The following DOCK8 variants were observed in gnomAD, a reference collection of about 807,000 sequenced individuals.
DOCK8 encodes the protein dedicator of cytokinesis protein 8.
A neutral mutation model predicts 245.6 loss-of-function variants in DOCK8; 141 were observed. That is an observed-to-expected ratio of 0.57 (90% CI 0.50 to 0.66). The LOEUF is 0.66. Among genes scored for constraint, DOCK8 ranks in the 30% least tolerant of loss-of-function variants. The probability of loss-of-function intolerance (pLI) is 0.00; values close to 1 mark genes in which losing one functional copy is unlikely to be tolerated. For synonymous variants in DOCK8, 1,168 were observed against 970.2 expected (o/e 1.20, Z -3.79); for missense variants, 2,965 against 2,603.4 (o/e 1.14, Z -3.02).
intron 4 of DOCK8, among the ~76,000 whole-genome samples, chr9:295,446 A>G (rs890893343): frequency 4.6e-5 from 7 of 152,226 alleles, no homozygotes; most frequent in African/African-American, 1.7e-4. Context: ...GGTAGCATAT[A>G]TAATAATAAT....
chr9:285,935 G>A (rs1001228193), intron 2 of DOCK8, among the ~76,000 whole-genome samples: 2 of 152,084 alleles, frequency 1.3e-5, no homozygotes, highest in Non-Finnish European at 2.9e-5. Context: ...GAAACACTCG[G>A]TGTTCACTGT....
chr9:212,537 T>C (rs2046636648), upstream of DOCK8, among the ~76,000 whole-genome samples: 2 of 152,214 alleles, frequency 1.3e-5, no homozygotes, highest in African/African-American at 4.8e-5. Flanking sequence ...TTGCCAGCAA[T>C]ATGTGAATGT....
At chr9:457,366 A>T (rs868761) in intron 46 of DOCK8, among the ~76,000 whole-genome samples, 112,214 of 152,120 alleles carry the variant, frequency 0.74, 42,864 homozygotes, top group East Asian at 1. Context: ...GCAGTTAGTG[A>T]CAGAATAAAA....
rs760287464 is a variant in DOCK8 at position 463,682 on chromosome 9, A to G, written c.6234A>G (p.Gln2078=). 25 of 1,613,716 alleles carry G rather than the reference A, an allele frequency of 1.5e-5. No individual in the cohort carries two copies. Among genetic ancestry groups the G allele is most frequent in the Non-Finnish European group, 1.9e-5 (23 of 1,180,036 alleles). ...AGCCAATATTCAGAGTTGAGAGTCAAAAGAGGTAAGAACAGGGCAGAGGAG... is the reference window on the plus strand; with the variant it reads ...AGCCAATATTCAGAGTTGAGAGTCAGAAGAGGTAAGAACAGGGCAGAGGAG... The part of the protein sequence containing the change: ...LYKPIFRVES[Q]KRDSFHRSSF... Residue 2078 remains glutamine, a synonymous_variant, in exon 47 of 48, where the codon CAA becomes CAG. Coordinates refer to ENST00000432829, the MANE Select transcript of DOCK8 (RefSeq NM_203447.4).
intron 11 of DOCK8, among the ~76,000 whole-genome samples, chr9:335,719 T>A (rs2051278147): frequency 6.6e-6 from 1 of 152,092 alleles, no homozygotes; most frequent in Admixed American, 6.5e-5. Flanking sequence ...AGGTCAAGGA[T>A]AACCTGACAA....
At chr9:325,614 A>G in intron 7 of DOCK8, 57 bp from the exon 8 acceptor site, 9 of 1,499,312 alleles carry the variant, frequency 6.0e-6, no homozygotes, top group Non-Finnish European at 8.4e-6. Context: ...GTGTTTTCAG[A>G]AAATTCAAAA....
chr9:405,154 A>T, intron 27 of DOCK8, 81 bp downstream of exon 27: 5 of 1,409,088 alleles, frequency 3.5e-6, no homozygotes, highest in Non-Finnish European at 3.9e-6. Context: ...TATTTCCTAT[A>T]AAGGTTAGTC....
At chr9:299,806 G>A (rs1257407601) in intron 4 of DOCK8, among the ~76,000 whole-genome samples, 1 of 151,762 alleles carries the variant, frequency 6.6e-6, no homozygotes, top group African/African-American at 2.4e-5. Context: ...CAGATCACAA[G>A]GTCAGGAGAT....
Position 418,177 on chromosome 9 carries a change from G to C in DOCK8, c.3810G>C (p.Leu1270Phe), listed in dbSNP as rs912565732. Residue 1270 changes from leucine to phenylalanine, a missense_variant, in exon 30 of 48, where the codon TTG (leucine) becomes TTC (phenylalanine). Around this residue, in one of 3 missense-constraint regions of DOCK8, gnomAD observed 2,825 missense variants for 2,453.5 expected, o/e 1.15. Coordinates refer to ENST00000432829, the MANE Select transcript of DOCK8 (RefSeq NM_203447.4). Reference protein sequence around the residue: ...ALAIAGNNFNLKTSGIVLSSL... With the variant: ...ALAIAGNNFNFKTSGIVLSSL... ...CCATAGCAGGGAATAATTTCAATTT[G>C]AAAACAAGTGGAATAGTGCTGTCTT... 8 of 1,614,210 alleles carry C rather than the reference G, an allele frequency of 5.0e-6. No homozygotes were observed. The highest frequency in any genetic ancestry group is 6.8e-6 in the Non-Finnish European group (8 of 1,180,028).
chr9:335,505 A>T (rs1174076990), intron 11 of DOCK8, among the ~76,000 whole-genome samples: 1 of 152,184 alleles, frequency 6.6e-6, no homozygotes, highest in African/African-American at 2.4e-5. Flanking sequence ...ACTGGTACAT[A>T]ATCACCAGTC....
At chr9:392,081 T>G (rs1241533262) in intron 24 of DOCK8, among the ~76,000 whole-genome samples, 2 of 148,128 alleles carry the variant, frequency 1.4e-5, no homozygotes, top group Non-Finnish European at 1.5e-5. Context: ...GAGGCAGCAG[T>G]GAGCTGAGAT....
intron 29 of DOCK8, among the ~76,000 whole-genome samples, chr9:415,362 G>T (rs1255266285): frequency 1.3e-5 from 2 of 151,762 alleles, no homozygotes; most frequent in Admixed American, 6.6e-5. Context: ...GGTCTCAAAT[G>T]AACCCAACTA....
rs1587061448 is a variant in DOCK8, at chr9:441,447, G to A, written c.5355+30G>A. The A allele has an allele frequency of 1.2e-5, 20 of 1,613,912 alleles. No homozygotes were observed. In the African/African-American group the frequency reaches 1.3e-4, roughly 11 times the overall value. ...CCGGGGAGCCTGGCTGGCAGGTCTT[G>A]TTACCTGGTGGCAGGCGACCCTGTC... On this transcript the variant is annotated intron_variant, in intron 41 of 47. Coordinates refer to ENST00000432829, the MANE Select transcript of DOCK8 (RefSeq NM_203447.4).
At chr9:246,383 A>G (rs1273794917) in intron 1 of DOCK8, among the ~76,000 whole-genome samples, 3 of 152,172 alleles carry the variant, frequency 2.0e-5, no homozygotes, top group African/African-American at 7.2e-5. Context: ...AATTAAAAAC[A>G]GCCAGACATG....
In DOCK8 at chr9:390,656, C is replaced by G. The variant is rs565016196; in HGVS notation, c.2970+90C>G. ...TTGACATTTTGTTCACTGAGTTGCCCCTGCTGAAAACCTGGGGTGGTTTCT... is the reference window on the plus strand; with the variant it reads ...TTGACATTTTGTTCACTGAGTTGCCGCTGCTGAAAACCTGGGGTGGTTTCT... On this transcript the variant is annotated intron_variant, in intron 24 of 47. Transcript: ENST00000432829. 219 of 1,283,306 alleles carry G rather than the reference C, an allele frequency of 1.7e-4. 3 individuals are homozygous for G. In the South Asian group the frequency reaches 2.6e-3, roughly 15 times the overall value. The allele number at this position is 1,283,306 out of a possible 1,614,324, so 79.5% of individuals were successfully genotyped here. A position where few individuals can be genotyped will look rare whatever the true frequency, so the allele number is the denominator to read the frequency against.
At position 219,820 on chromosome 9, in the gene DOCK8, C is replaced by T. The variant is rs562873661; in HGVS notation, c.53+4791C>T. Among the ~76,000 whole-genome samples, 30 of 152,162 alleles carry T rather than the reference C, an allele frequency of 2.0e-4. 1 individual carries two copies. In the South Asian group the frequency reaches 6.2e-3, roughly 32 times the overall value. The stretch of plus-strand genomic sequence containing the variant: ...GCTGAGATGGGAGGATCACTCGAAC[C>T]CAGGAAGTTGAAGCTGCTGTGAGCA... On this transcript the variant is annotated intron_variant, in intron 1 of 47. Coordinates refer to ENST00000432829, the MANE Select transcript of DOCK8 (RefSeq NM_203447.4).
intron 4 of DOCK8, among the ~76,000 whole-genome samples, chr9:295,845 A>G (rs1586626008): frequency 2.0e-5 from 3 of 152,174 alleles, no homozygotes; most frequent in Non-Finnish European, 2.9e-5. Flanking sequence ...TCATCATTCT[A>G]CAGGGCATTT....
chr9:254,676 C>G (rs557818293), intron 1 of DOCK8, among the ~76,000 whole-genome samples: 1 of 152,276 alleles, frequency 6.6e-6, no homozygotes, highest in South Asian at 2.1e-4. Flanking sequence ...GCAGATAGAA[C>G]CACATTGACT....
chr9:260,135 G>A (rs1252098831), intron 1 of DOCK8, among the ~76,000 whole-genome samples: 1 of 152,202 alleles, frequency 6.6e-6, no homozygotes, highest in Non-Finnish European at 1.5e-5. Flanking sequence ...CTTCACATCT[G>A]CAACTGGGAC....
Sources: gnomAD v4.1 joint callset for allele counts (sites outside exome capture counted in the v4.1 genomes callset) on GRCh38, gnomAD v4.1.1 for gene constraint, gnomAD v4.1.1 regional missense constraint, MANE v1.5 for transcripts, NCBI Gene and HGNC (gene_info 2026-07-23, HGNC 2026-07-21) for gene names.